Variants in NKAIN3 observed in about 807,000 individuals in gnomAD.
NKAIN3 encodes sodium/potassium-transporting ATPase subunit beta-1-interacting protein 3.
In NKAIN3, 25 loss-of-function variants were observed where a neutral mutation model predicts 30.2. The ratio of observed to expected loss-of-function variants is 0.83; its 90% CI spans 0.60 to 1.16. The LOEUF (loss-of-function observed/expected upper bound fraction) is 1.16, where lower values mean the gene tolerates loss of function less well. Among genes scored for constraint, NKAIN3 ranks in the 50% most tolerant of loss-of-function variants. The pLI, the probability that NKAIN3 is intolerant of heterozygous loss-of-function variation, is 0.00. For missense variants in NKAIN3, 225 were observed against 254.1 expected, an observed-to-expected ratio of 0.89 and a Z score of 0.78; for synonymous variants, 91 against 89.6, an observed-to-expected ratio of 1.02 and a Z score of -0.09.
chr8:62,717,844 G>GTTAT lies in NKAIN3; in HGVS notation c.274-29085_274-29082dup, dbSNP rs894872163. On this transcript the variant is annotated intron_variant, in intron 3 of 6. Transcript: ENST00000623646. The stretch of plus-strand genomic sequence containing the variant: ...TTTTTGAGAACATGACTGCCTTTAG[G>GTTAT]TTATTTCTTAGCGTCCTTAACCATA... Among the ~76,000 whole-genome samples the GTTAT allele has an allele frequency of 1.2e-4, 19 of 152,194 alleles. No homozygotes were observed. In the East Asian group the frequency reaches 3.3e-3, roughly 26 times the overall value.
chr8:62,849,302 T>G (rs1819792398), intron 4 of NKAIN3, among the ~76,000 whole-genome samples: 1 of 150,868 alleles, frequency 6.6e-6, no homozygotes, highest in Admixed American at 6.6e-5. Flanking sequence ...GGGCTTTTTT[T>G]TTTTTTTTTT....
At chr8:62,840,182 C>T (rs9332437) in intron 4 of NKAIN3, among the ~76,000 whole-genome samples, 91,586 of 151,780 alleles carry the variant, frequency 0.6, 28,450 homozygotes, top group Non-Finnish European at 0.7. Flanking sequence ...CATACATCTT[C>T]CTTAACCTAC....
At chr8:62,667,920 T>C (rs1813177417) in intron 3 of NKAIN3, among the ~76,000 whole-genome samples, 1 of 152,218 alleles carries the variant, frequency 6.6e-6, no homozygotes, top group Non-Finnish European at 1.5e-5. Context: ...CTCAGGGTTT[T>C]ACCACCAGGA....
intron 4 of NKAIN3, among the ~76,000 whole-genome samples, chr8:62,849,419 GA>G (rs1425785598): frequency 1.3e-5 from 2 of 151,352 alleles, no homozygotes; most frequent in African/African-American, 4.8e-5. Flanking sequence ...TATGTGCCAG[GA>G]ATGTATCCAT....
rs777836755 is a variant in NKAIN3 at position 62,863,220 on chromosome 8, C to T, written c.472-55233C>T. ...GGCGTTTTTCCAATAACTCAGCCTG[C>T]CTCTTCTGTTTATTTTTCAGTTTTT... On this transcript the variant is annotated intron_variant, in intron 4 of 6. Transcript: ENST00000623646. 7.1e-6 allele frequency: 11 copies of T among 1,558,478 alleles called. No homozygotes were observed. In the East Asian group the frequency reaches 2.5e-4, roughly 35 times the overall value.
chr8:62,422,098 T>C (rs1804658919), intron 1 of NKAIN3, among the ~76,000 whole-genome samples: 1 of 152,168 alleles, frequency 6.6e-6, no homozygotes, highest in Non-Finnish European at 1.5e-5. Context: ...GAAAATAAAC[T>C]AAAATATGTC....
In NKAIN3 at chr8:62,554,819, T is replaced by G. The variant is rs369154240; in HGVS notation, c.55-24720T>G. Among the ~76,000 whole-genome samples the G allele has an allele frequency of 5.3e-5, 8 of 152,254 alleles. No individual in the cohort carries two copies. In the East Asian group the frequency reaches 1.4e-3, roughly 26 times the overall value. ...CTACATAACTGCCACTTTGAACCCT[T>G]TGACTTATATCTCCCCACACCCCAC... On this transcript the variant is annotated intron_variant, in intron 1 of 6. Transcript: ENST00000623646.
chr8:62,824,924 A>G (rs1205550603), intron 4 of NKAIN3, among the ~76,000 whole-genome samples: 1 of 152,186 alleles, frequency 6.6e-6, no homozygotes, highest in South Asian at 2.1e-4. Flanking sequence ...GGGTCAACAC[A>G]ATACTTAAGT....
chr8:62,773,722 T>C (rs747959844), intron 4 of NKAIN3, among the ~76,000 whole-genome samples: 4 of 152,086 alleles, frequency 2.6e-5, no homozygotes, highest in Non-Finnish European at 5.9e-5. Flanking sequence ...TGCCACCATA[T>C]AAGACATGCC....
chr8:62,647,693 A>G (rs983492803), intron 3 of NKAIN3, among the ~76,000 whole-genome samples: 1 of 152,210 alleles, frequency 6.6e-6, no homozygotes, highest in South Asian at 2.1e-4. Flanking sequence ...TGGATCCAAG[A>G]GAAAATAAAA....
chr8:62,641,667 A>G (rs1812310857), intron 3 of NKAIN3, among the ~76,000 whole-genome samples: 1 of 152,168 alleles, frequency 6.6e-6, no homozygotes, highest in African/African-American at 2.4e-5. Flanking sequence ...TAAATAGCTC[A>G]TTGATTGATA....
intron 4 of NKAIN3, among the ~76,000 whole-genome samples, chr8:62,895,186 T>C (rs567057798): frequency 1.3e-5 from 2 of 152,226 alleles, no homozygotes; most frequent in Non-Finnish European, 2.9e-5. Context: ...CTTCACATTT[T>C]TTAAACAAAT....
At chr8:62,926,064 G>A (rs918594865) in intron 5 of NKAIN3, among the ~76,000 whole-genome samples, 13 of 152,136 alleles carry the variant, frequency 8.5e-5, no homozygotes, top group African/African-American at 3.1e-4. Context: ...CATTCAGGTG[G>A]TGCCGAGTGG....
intron 4 of NKAIN3, among the ~76,000 whole-genome samples, chr8:62,861,120 C>G (rs1820225772): frequency 6.6e-6 from 1 of 152,146 alleles, no homozygotes; most frequent in Non-Finnish European, 1.5e-5. Flanking sequence ...GATGATGTCT[C>G]CCATAGTTAC....
At chr8:62,591,593 T>C (rs1810655546) in intron 3 of NKAIN3, among the ~76,000 whole-genome samples, 1 of 152,026 alleles carries the variant, frequency 6.6e-6, no homozygotes, top group South Asian at 2.1e-4. Flanking sequence ...TGTCTAAAAG[T>C]TTTTATCTCA....
chr8:62,547,241 C>T (rs1440689947), intron 1 of NKAIN3, among the ~76,000 whole-genome samples: 2 of 150,802 alleles, frequency 1.3e-5, no homozygotes, highest in Admixed American at 6.6e-5. Context: ...TGATTTCAAC[C>T]CTGTCCTTAG....
chr8:62,612,504 T>C (rs1344874110), intron 3 of NKAIN3, among the ~76,000 whole-genome samples: 3 of 151,090 alleles, frequency 2.0e-5, no homozygotes, highest in Non-Finnish European at 4.4e-5. Flanking sequence ...ATAGGTGATG[T>C]GTGTTTCTTG....
At chr8:62,516,154 C>A (rs181254155) in intron 1 of NKAIN3, among the ~76,000 whole-genome samples, 5 of 152,166 alleles carry the variant, frequency 3.3e-5, no homozygotes, top group Non-Finnish European at 7.4e-5. Context: ...GTGTATTTAG[C>A]AGTCTCAATG....
chr8:62,272,757 T>A (rs976436295), intron 1 of NKAIN3, among the ~76,000 whole-genome samples: 17 of 152,328 alleles, frequency 1.1e-4, no homozygotes, highest in African/African-American at 4.1e-4. Context: ...AACTATGGCC[T>A]GCCAAGTGGT....
Sources: gnomAD v4.1 joint callset for allele counts (sites outside exome capture counted in the v4.1 genomes callset) on GRCh38, gnomAD v4.1.1 for gene constraint, MANE v1.5 for transcripts, NCBI Gene and HGNC (gene_info 2026-07-23, HGNC 2026-07-21) for gene names.